The following BRF1 variants were observed in gnomAD, a reference collection of about 807,000 sequenced individuals.
BRF1 encodes BRF1 general transcription factor IIIB subunit.
Under a neutral mutation model 81.7 loss-of-function variants are expected in BRF1, and 59 were observed. That is an observed-to-expected ratio of 0.72 (90% CI 0.59 to 0.90). The LOEUF (loss-of-function observed/expected upper bound fraction) is 0.90. Ranked by LOEUF, BRF1 falls within the 40% of genes least tolerant of loss-of-function variation. The probability of loss-of-function intolerance (pLI) is 0.00; values close to 1 mark genes in which losing one functional copy is unlikely to be tolerated. For synonymous variants in BRF1, 491 were observed against 395.6 expected (o/e 1.24, Z -2.86); for missense variants, 1,050 against 936.3 (o/e 1.12, Z -1.58).
Position 105,300,538 on chromosome 14 carries a change from A to G in BRF1, c.92T>C (p.Val31Ala). The G allele has an allele frequency of 6.5e-7, 1 of 1,528,438 alleles. No homozygotes were observed. Among genetic ancestry groups the G allele is most frequent in the Non-Finnish European group, 8.8e-7 (1 of 1,141,184 alleles). The allele number at this position is 1,528,438 out of a possible 1,614,324, so 94.7% of individuals were successfully genotyped here. A position where few individuals can be genotyped will look rare whatever the true frequency, so the allele number is the denominator to read the frequency against. ...GDAVCTACGSVLEDNIIVSEV... is the reference protein window; with the variant it reads ...GDAVCTACGSALEDNIIVSEV... ...GGACACGATGATGTTGTCCTCCAGC[A>G]CTGAGCCGCAGGCGGTGCACACCGC... Residue 31 changes from valine to alanine, a missense_variant, in exon 1 of 18, where the codon GTG (valine) becomes GCG (alanine). Val to Ala is a moderately conservative substitution (Grantham distance 64). This residue lies in a region of BRF1 where 1,043 missense variants were observed against 915.4 expected (regional missense o/e 1.14). Coordinates refer to ENST00000547530, the MANE Select transcript of BRF1 (RefSeq NM_001519.4).
intron 6 of BRF1, among the ~76,000 whole-genome samples, chr14:105,229,171 C>G (rs80058992): frequency 6.6e-6 from 1 of 152,218 alleles, no homozygotes; most frequent in South Asian, 2.1e-4. Context: ...GAGAGCTTCA[C>G]GTAATCCCTC....
intron 5 of BRF1, chr14:105,246,974 A>AC (rs2055164047): frequency 1.0e-6 from 1 of 985,210 alleles, no homozygotes; most frequent in East Asian, 1.1e-4. Flanking sequence ...AAATGGACCC[A>AC]CCACAACCTG....
chr14:105,220,663 C>G (rs1028872565), intron 11 of BRF1, among the ~76,000 whole-genome samples: 5 of 152,220 alleles, frequency 3.3e-5, no homozygotes, highest in Non-Finnish European at 5.9e-5. Flanking sequence ...CAGCCCCACG[C>G]AGTCCAGGCA....
At chr14:105,214,499 G>GAGTGGCC (rs1890724376) in intron 15 of BRF1, among the ~76,000 whole-genome samples, 4 of 47,848 alleles carry the variant, frequency 8.4e-5, no homozygotes, top group African/African-American at 6.9e-4. Context: ...CCACACCCCT[G>GAGTGGCC]CATGGCTCAG....
chr14:105,257,879 G>A (rs959104120), intron 3 of BRF1, among the ~76,000 whole-genome samples: 2 of 152,176 alleles, frequency 1.3e-5, no homozygotes, highest in Non-Finnish European at 2.9e-5. Context: ...TGGCCACCAA[G>A]GGCTGGGGAA....
chr14:105,264,291 C>A (rs1451486327), intron 3 of BRF1, among the ~76,000 whole-genome samples: 2 of 151,724 alleles, frequency 1.3e-5, no homozygotes, highest in African/African-American at 4.8e-5. Flanking sequence ...GGCAACATAG[C>A]AAGACACCAT....
chr14:105,247,975 G>A lies in BRF1; in HGVS notation c.544+4532C>T, dbSNP rs376441660. The stretch of plus-strand genomic sequence containing the variant: ...GCGATCCACAGGCAGAGCCACAGAG[G>A]CAGGGCGCGCCCTGGGGCCCAAGCT... On this transcript the variant is annotated intron_variant, in intron 5 of 17. Transcript: ENST00000547530. 82 of 985,506 alleles carry A rather than the reference G, an allele frequency of 8.3e-5. No homozygotes were observed. In the African/African-American group the frequency reaches 1.3e-3, roughly 16 times the overall value. The allele number at this position is 985,506 out of a possible 1,614,324, so 61.0% of individuals were successfully genotyped here. A position where few individuals can be genotyped will look rare whatever the true frequency, so the allele number is the denominator to read the frequency against.
chr14:105,242,831 C>T (rs770762196), intron 5 of BRF1, among the ~76,000 whole-genome samples: 16 of 151,590 alleles, frequency 1.1e-4, no homozygotes, highest in African/African-American at 2.2e-4. Flanking sequence ...AAAATTTGGC[C>T]GGGGCCAGGT....
At position 105,221,593 on chromosome 14, in the gene BRF1, G is replaced by A. The variant is rs751192872; in HGVS notation, c.1315+55C>T. ...CCGGCTCTCCCCATGAGAGGCACAC[G>A]CCTGAAAGATCTCCCGATGACCTCA... On this transcript the variant is annotated intron_variant, in intron 11 of 17. Transcript: ENST00000547530. 28 of 1,572,272 alleles carry A rather than the reference G, an allele frequency of 1.8e-5. No homozygotes were observed. The East Asian group carries it at 1.8e-4, about 10-fold the overall frequency.
upstream of BRF1, among the ~76,000 whole-genome samples, chr14:105,305,542 C>T (rs905598674): frequency 2.0e-5 from 3 of 152,170 alleles, no homozygotes; most frequent in Non-Finnish European, 2.9e-5. Flanking sequence ...CTGCCAGCAC[C>T]GTCCTGTGAA....
At chr14:105,241,710 C>T (rs587621572) in intron 5 of BRF1, 1 of 463,846 alleles carries the variant, frequency 2.2e-6, no homozygotes, top group Non-Finnish European at 4.0e-6. Flanking sequence ...GGGGCGCACA[C>T]CCAGCAGCCT....
In BRF1 at chr14:105,254,988, C is replaced by T. The variant is rs1432364099; in HGVS notation, c.471+1530G>A. Among the ~76,000 whole-genome samples, 3 of 141,674 alleles carry T rather than the reference C, an allele frequency of 2.1e-5. No homozygotes were observed. The South Asian group carries it at 6.4e-4, about 30-fold the overall frequency. The allele number at this position is 141,674 out of a possible 152,430, so 92.9% of individuals were successfully genotyped here. A position where few individuals can be genotyped will look rare whatever the true frequency, so the allele number is the denominator to read the frequency against. On this transcript the variant is annotated intron_variant, in intron 4 of 17. Transcript: ENST00000547530. ...GTCAGGGTGGGGCACAGCCAGCTGC[C>T]CCCCCCATCTCTCTTCCTGGGCAGC...
chr14:105,286,612 C>CA (rs2057324659), intron 1 of BRF1, among the ~76,000 whole-genome samples: 1 of 148,178 alleles, frequency 6.7e-6, no homozygotes, highest in Admixed American at 6.8e-5. Context: ...TCCGCATTTT[C>CA]TTTTTTTTTT....
upstream of BRF1, among the ~76,000 whole-genome samples, chr14:105,304,797 G>C (rs1433151453): frequency 1.3e-5 from 2 of 152,260 alleles, no homozygotes; most frequent in African/African-American, 4.8e-5. Flanking sequence ...AGCAGGGAGA[G>C]AGAGAGCTTC....
At chr14:105,266,921 G>T (rs2140374065) in intron 3 of BRF1, among the ~76,000 whole-genome samples, 1 of 152,180 alleles carries the variant, frequency 6.6e-6, no homozygotes, top group African/African-American at 2.4e-5. Flanking sequence ...GTGTATGCCT[G>T]TAGTCCAGCT....
At chr14:105,226,339 C>A in intron 8 of BRF1, 49 bp from the exon 9 acceptor site, 1 of 1,612,700 alleles carries the variant, frequency 6.2e-7, no homozygotes, top group Non-Finnish European at 8.5e-7. Flanking sequence ...CCCTGGTGCA[C>A]AGCGCAGCCT....
intron 1 of BRF1, among the ~76,000 whole-genome samples, chr14:105,296,053 C>T (rs1218433974): frequency 3.5e-5 from 5 of 144,712 alleles, no homozygotes; most frequent in Admixed American, 2.8e-4. Flanking sequence ...TGCACTCCAG[C>T]CTGGGCAACA....
At chr14:105,249,211 G>GC in intron 5 of BRF1, 1 of 1,587,864 alleles carries the variant, frequency 6.3e-7, no homozygotes, top group East Asian at 2.3e-5. Context: ...TCGTCGTGGG[G>GC]CCCCCGGGGG....
chr14:105,252,456 G>C, intron 5 of BRF1, 51 bp downstream of exon 5: 1 of 1,594,224 alleles, frequency 6.3e-7, no homozygotes, highest in East Asian at 2.2e-5. Flanking sequence ...TTGGCACGCT[G>C]GTCCCTACAG....
Sources: gnomAD v4.1 joint callset for allele counts (sites outside exome capture counted in the v4.1 genomes callset) on GRCh38, gnomAD v4.1.1 for gene constraint, gnomAD v4.1.1 regional missense constraint, MANE v1.5 for transcripts, NCBI Gene and HGNC (gene_info 2026-07-23, HGNC 2026-07-21) for gene names.